CAST: variants seen among roughly 807,000 people sequenced by gnomAD.
CAST encodes MIR583 host.
Under a neutral mutation model 119.6 loss-of-function variants are expected in CAST, and 76 were observed. That is an observed-to-expected ratio of 0.64 (90% CI 0.53 to 0.77). CAST has a LOEUF of 0.77. Among genes scored for constraint, CAST ranks in the 30% least tolerant of loss-of-function variants. CAST has a pLI of 0.00. For synonymous variants in CAST, 319 were observed against 331.6 expected, an observed-to-expected ratio of 0.96 and a Z score of 0.41; for missense variants, 953 against 946.5, an observed-to-expected ratio of 1.01 and a Z score of -0.09.
At chr5:95,973,673 C>T in the CAST span, among the ~76,000 whole-genome samples, 301 of 152,280 alleles carry the variant, frequency 2.0e-3, no homozygotes, top group Non-Finnish European at 3.3e-3. Context: ...GCACTCTATG[C>T]TACATTGATC....
At chr5:96,325,415 T>C in the CAST span, among the ~76,000 whole-genome samples, 1 of 151,476 alleles carries the variant, frequency 6.6e-6, no homozygotes, top group Admixed American at 6.6e-5. Flanking sequence ...TCTTTCTCTC[T>C]TTCTTTCCTT....
chr5:96,399,713 C>T, the CAST span, among the ~76,000 whole-genome samples: 2 of 152,078 alleles, frequency 1.3e-5, no homozygotes, highest in Non-Finnish European at 1.5e-5. Context: ...AACAATGGTG[C>T]ATCTTAGACT....
chr5:96,287,892 G>A, the CAST span, among the ~76,000 whole-genome samples: 1 of 152,046 alleles, frequency 6.6e-6, no homozygotes, highest in Non-Finnish European at 1.5e-5. Flanking sequence ...CCTACAAAGG[G>A]AGCTTCAGCA....
intron 1 of CAST, among the ~76,000 whole-genome samples, chr5:96,595,367 C>T (rs1435634298): frequency 3.3e-5 from 5 of 152,182 alleles, no homozygotes; most frequent in Admixed American, 2.6e-4. Flanking sequence ...TATTATCAAA[C>T]AGGAATTACG....
At chr5:96,692,191 G>A (rs747617950) in intron 2 of CAST, among the ~76,000 whole-genome samples, 1 of 152,154 alleles carries the variant, frequency 6.6e-6, no homozygotes, top group Non-Finnish European at 1.5e-5. Flanking sequence ...GATCTAGTGA[G>A]CTAAGAGATC....
At chr5:96,377,753 G>A in the CAST span, among the ~76,000 whole-genome samples, 3 of 152,038 alleles carry the variant, frequency 2.0e-5, no homozygotes, top group Admixed American at 6.6e-5. Context: ...TTACAAAATA[G>A]GATAATACTA....
the CAST span, among the ~76,000 whole-genome samples, chr5:96,464,924 C>G: frequency 6.6e-6 from 1 of 151,972 alleles, no homozygotes; most frequent in Non-Finnish European, 1.5e-5. Flanking sequence ...ATCTTAGGCA[C>G]AGATTTTCAA....
chr5:96,116,012 G>A, the CAST span, among the ~76,000 whole-genome samples: 1 of 150,260 alleles, frequency 6.7e-6, no homozygotes, highest in Non-Finnish European at 1.5e-5. Flanking sequence ...TTTGGTAATT[G>A]TAGATAGCTA....
chr5:96,430,308 C>T, the CAST span, among the ~76,000 whole-genome samples: 1 of 152,202 alleles, frequency 6.6e-6, no homozygotes, highest in African/African-American at 2.4e-5. Context: ...GGTAACCCTG[C>T]ATTTTTAAAA....
chr5:96,008,812 T>C, the CAST span, among the ~76,000 whole-genome samples: 2 of 152,192 alleles, frequency 1.3e-5, no homozygotes, highest in South Asian at 4.1e-4. Context: ...CCTGGTGATA[T>C]TATGTTTTGT....
At chr5:96,494,926 G>A in the CAST span, among the ~76,000 whole-genome samples, 1 of 151,984 alleles carries the variant, frequency 6.6e-6, no homozygotes, top group Non-Finnish European at 1.5e-5. Context: ...GACCATCCTG[G>A]CTAACACAGT....
the CAST span, among the ~76,000 whole-genome samples, chr5:96,506,916 A>C: frequency 3.3e-5 from 5 of 152,334 alleles, no homozygotes; most frequent in African/African-American, 1.2e-4. Context: ...AATCACACAC[A>C]GGTTTTGTCC....
the CAST span, among the ~76,000 whole-genome samples, chr5:96,415,039 G>A: frequency 6.6e-6 from 1 of 152,146 alleles, no homozygotes; most frequent in Non-Finnish European, 1.5e-5. Flanking sequence ...GATTCTTTTT[G>A]TGATTATGGT....
intron 1 of CAST, among the ~76,000 whole-genome samples, chr5:96,555,607 C>G (rs945495545): frequency 7.2e-5 from 11 of 152,220 alleles, no homozygotes; most frequent in South Asian, 4.1e-4. Context: ...GGGTCCTACG[C>G]CCATGGAGCC....
chr5:96,343,151 A>G, the CAST span, among the ~76,000 whole-genome samples: 1 of 152,166 alleles, frequency 6.6e-6, no homozygotes, highest in Non-Finnish European at 1.5e-5. Flanking sequence ...TAAAATGATG[A>G]TGAAAATCTT....
At chr5:96,455,708 G>A in the CAST span, among the ~76,000 whole-genome samples, 4 of 152,100 alleles carry the variant, frequency 2.6e-5, no homozygotes, top group Admixed American at 1.3e-4. Flanking sequence ...CTGGCTTTTC[G>A]CATAGCTTAA....
At chr5:96,475,421 A>G in the CAST span, among the ~76,000 whole-genome samples, 3 of 152,332 alleles carry the variant, frequency 2.0e-5, 1 homozygote, top group Admixed American at 2.0e-4. Flanking sequence ...AATAATGACA[A>G]TCTCTGAATG....
At chr5:96,005,537 G>A in the CAST span, among the ~76,000 whole-genome samples, 1 of 152,106 alleles carries the variant, frequency 6.6e-6, no homozygotes, top group Non-Finnish European at 1.5e-5. Flanking sequence ...TTATACAGAT[G>A]AAAATGATTA....
the CAST span, among the ~76,000 whole-genome samples, chr5:96,170,391 C>T: frequency 1.3e-5 from 2 of 152,178 alleles, no homozygotes; most frequent in Admixed American, 6.5e-5. Flanking sequence ...GTGGTTCAGG[C>T]GTTTGGAGTT....
Sources: allele counts gnomAD v4.1 joint callset (sites outside exome capture counted in the v4.1 genomes callset), GRCh38; gene constraint gnomAD v4.1.1; transcripts MANE v1.5; gene names NCBI Gene and HGNC (gene_info 2026-07-23, HGNC 2026-07-21).